Variants in ERN2 observed in about 807,000 individuals in gnomAD.
The protein encoded by ERN2 is endoplasmic reticulum to nucleus signaling 2.
In ERN2, 111 loss-of-function variants were observed where a neutral mutation model predicts 107.9. The ratio of observed to expected loss-of-function variants is 1.03; its 90% CI spans 0.88 to 1.20. The LOEUF (loss-of-function observed/expected upper bound fraction) is 1.20. Ranked by LOEUF, ERN2 falls within the 50% of genes most tolerant of loss-of-function variation. The pLI is 0.00. For synonymous variants in ERN2, 524 were observed against 501.7 expected, an observed-to-expected ratio of 1.04 and a Z score of -0.59; for missense variants, 1,225 against 1,197.9, an observed-to-expected ratio of 1.02 and a Z score of -0.33.
intron 19 of ERN2, 93 bp from the exon 20 acceptor site, chr16:23,691,518 G>A: frequency 7.0e-7 from 1 of 1,437,980 alleles, no homozygotes; most frequent in Non-Finnish European, 9.3e-7. Flanking sequence ...TAGGGTGACT[G>A]ACAAGGATCA....
At chr16:23,700,809 AG>A in intron 12 of ERN2, 105 bp from the exon 13 acceptor site, 1 of 1,484,638 alleles carries the variant, frequency 6.7e-7, no homozygotes, top group Non-Finnish European at 9.1e-7. Flanking sequence ...ATGAACTTAC[AG>A]AGCAAGATCG....
At chr16:23,712,500 T>C (rs1333169843) in intron 1 of ERN2, 1 of 154,516 alleles carries the variant, frequency 6.5e-6, no homozygotes. Flanking sequence ...TTTTGCCCCA[T>C]GGGGGTTCTA....
At position 23,706,758 on chromosome 16, in the gene ERN2, T is replaced by C; in HGVS notation, c.483A>G (p.Arg161=). ...GPSTPRLYIG[R]TQYTVTMHDP... ...AACAGCTGGGGCCCAACTCACGTGT[T>C]CGGCCAATGTAGAGGCGGGGGGTGG... Residue 161 remains arginine, a synonymous_variant, in exon 6 of 22, where the codon CGA becomes CGG. Transcript: ENST00000256797. 1 of 1,604,372 alleles carries C rather than the reference T, an allele frequency of 6.2e-7. No homozygotes were observed. The highest frequency in any genetic ancestry group is 1.3e-5 in the African/African-American group (1 of 74,606).
At chr16:23,696,937 G>A (rs72776157) in intron 13 of ERN2, 10,692 of 151,994 alleles carry the variant, frequency 0.07, 590 homozygotes, top group Non-Finnish European at 0.1. Flanking sequence ...TGTAATCCCA[G>A]CACTTTGGGA....
intron 4 of ERN2, among the ~76,000 whole-genome samples, chr16:23,707,827 C>T (rs1451278970): frequency 6.6e-6 from 1 of 152,208 alleles, no homozygotes; most frequent in East Asian, 1.9e-4. Context: ...CTGTCAACAG[C>T]CATGAGAGAC....
chr16:23,705,332 A>C (rs144177085), intron 7 of ERN2, among the ~76,000 whole-genome samples, 185 bp from the exon 8 acceptor site: 41 of 152,328 alleles, frequency 2.7e-4, no homozygotes, highest in African/African-American at 9.4e-4. Context: ...AGGGTCATTC[A>C]AAGGTGACTC....
chr16:23,702,236 C>T lies in ERN2; in HGVS notation c.1119G>A (p.Met373Ile), dbSNP rs1960105956. ...TCCCCAGGGTGGGATGGACCCTCAG[C>T]ATGGTGGTGTGCAGGACTGGGGGTA... ...HELPPVLHTT[M>I]LRVHPTLGSG... The change falls in exon 11 of 22, where the codon ATG becomes ATA. Residue 373 changes from methionine to isoleucine, a missense_variant. Coordinates refer to ENST00000256797, the MANE Select transcript of ERN2 (RefSeq NM_033266.4). The T allele has an allele frequency of 1.2e-6, 2 of 1,614,052 alleles. No individual in the cohort carries two copies. The highest frequency in any genetic ancestry group is 1.7e-6 in the Non-Finnish European group (2 of 1,180,040).
Position 23,705,040 on chromosome 16 carries a change from A to T in ERN2, c.697T>A (p.Tyr233Asn). ...QDLGVPVMGV[Y>N]TWHQDGLRQL... ...CGCAGGCCGTCCTGGTGCCAGGTGT[A>T]GACGCCCATCACAGGCACGCCCAGG... The change falls in exon 8 of 22, where the codon TAC (tyrosine) becomes AAC (asparagine). Residue 233 changes from tyrosine to asparagine, a missense_variant. Tyr to Asn is a moderately radical substitution (Grantham distance 143). Coordinates refer to ENST00000256797, the MANE Select transcript of ERN2 (RefSeq NM_033266.4). The T allele has an allele frequency of 6.2e-7, 1 of 1,613,958 alleles. No homozygotes were observed. The highest frequency in any genetic ancestry group is 8.5e-7 in the Non-Finnish European group (1 of 1,180,012).
At chr16:23,704,836 A>T in intron 8 of ERN2, 47 bp downstream of exon 8, 11 of 1,585,020 alleles carry the variant, frequency 6.9e-6, no homozygotes, top group Non-Finnish European at 9.4e-6. Context: ...CCAGGTTGCG[A>T]CACTCCCAGA....
chr16:23,692,881 G>C (rs567679878), intron 17 of ERN2, among the ~76,000 whole-genome samples: 1 of 152,042 alleles, frequency 6.6e-6, no homozygotes, highest in African/African-American at 2.4e-5. Context: ...CACCATGCCT[G>C]ACCAATTTTT....
chr16:23,700,482 A>G, intron 13 of ERN2, 57 bp downstream of exon 13: 1 of 1,530,782 alleles, frequency 6.5e-7, no homozygotes, highest in African/African-American at 1.4e-5. Flanking sequence ...TTGCAGCTAA[A>G]TCTGCCCCTG....
In ERN2 at chr16:23,711,006, T is replaced by G; in HGVS notation, c.106A>C (p.Arg36=). ...GTLSPQVHTL[R]PENLLLVSTL... ...GACACCAGCAGGAGGTTCTCTGGCC[T>G]GAGAGTATGAACCTGCAAGGGGGTA... is the stretch of plus-strand genomic sequence containing the variant. Residue 36 remains arginine (R), a synonymous_variant, in exon 2 of 22, where the codon AGG becomes CGG. Coordinates refer to ENST00000256797, the MANE Select transcript of ERN2 (RefSeq NM_033266.4). The G allele has an allele frequency of 2.5e-6, 4 of 1,613,392 alleles. No individual in the cohort carries two copies. The highest frequency in any genetic ancestry group is 2.2e-5 in the South Asian group (2 of 91,074).
At chr16:23,702,342 C>CA in intron 10 of ERN2, 48 bp downstream of exon 10, 1 of 1,611,094 alleles carries the variant, frequency 6.2e-7, no homozygotes, top group Admixed American at 1.7e-5. Flanking sequence ...GCTGGGCTCA[C>CA]AGGTTCTTTA....
chr16:23,700,984 C>T lies in ERN2; in HGVS notation c.1334G>A (p.Gly445Glu). Residue 445 changes from glycine to glutamate, a missense_variant, in exon 12 of 22, where the codon GGG (glycine) becomes GAG (glutamate). Gly to Glu is a moderately conservative substitution (Grantham distance 98, BLOSUM62 -2). Transcript: ENST00000256797. ...CTGCCTCATCACAAAGAGAATCCAC[C>T]CTCCCAGGAGGACAGCAGTGAGGCT... ...AASLTAVLLG[G>E]WILFVMRQQQ... The T allele has an allele frequency of 6.2e-7, 1 of 1,614,054 alleles. No homozygotes were observed. Among genetic ancestry groups the T allele is most frequent in the Non-Finnish European group, 8.5e-7 (1 of 1,179,962 alleles).
chr16:23,703,058 A>C (rs111398936), intron 8 of ERN2, among the ~76,000 whole-genome samples: 1 of 152,008 alleles, frequency 6.6e-6, no homozygotes, highest in Non-Finnish European at 1.5e-5. Context: ...CAACCAAGCC[A>C]TGAGCAGACT....
intron 13 of ERN2, among the ~76,000 whole-genome samples, chr16:23,700,068 C>A (rs1163524900): frequency 6.6e-6 from 1 of 152,162 alleles, no homozygotes; most frequent in African/African-American, 2.4e-5. Context: ...GTGACTCATG[C>A]CTGTAATCCC....
At chr16:23,691,937 G>C in intron 19 of ERN2, 26 bp downstream of exon 19, 1 of 1,605,296 alleles carries the variant, frequency 6.2e-7, no homozygotes, top group Non-Finnish European at 8.5e-7. Context: ...GACTTTTGGG[G>C]GCCATTCCCA....
Position 23,702,633 on chromosome 16 carries a change from C to T in ERN2, c.924G>A (p.Val308=), listed in dbSNP as rs758043104. 4.0e-5 allele frequency: 64 copies of T among 1,614,146 alleles called. No homozygotes were observed. The highest frequency in any genetic ancestry group is 5.2e-5 in the Non-Finnish European group (61 of 1,179,978). The change falls in exon 9 of 22, where the codon GTG becomes GTA. Residue 308 remains valine (V), a synonymous_variant. Coordinates refer to ENST00000256797, the MANE Select transcript of ERN2 (RefSeq NM_033266.4). ...AGAGACCACTTCTTACCACCAGGGCCACTCCTGTGTGGACCAGTGCTTTAG... is the reference window on the plus strand; with the variant it reads ...AGAGACCACTTCTTACCACCAGGGCTACTCCTGTGTGGACCAGTGCTTTAG... ...YVSKALVHTG[V]ALVPRGLTLA...
intron 13 of ERN2, among the ~76,000 whole-genome samples, chr16:23,699,389 C>T (rs1959957684): frequency 6.6e-6 from 1 of 152,072 alleles, no homozygotes; most frequent in Non-Finnish European, 1.5e-5. Flanking sequence ...AAACCATGAG[C>T]CAGCCCAGAG....
Sources: gnomAD v4.1 joint callset for allele counts (sites outside exome capture counted in the v4.1 genomes callset) on GRCh38, gnomAD v4.1.1 for gene constraint, MANE v1.5 for transcripts, NCBI Gene and HGNC (gene_info 2026-07-23, HGNC 2026-07-21) for gene names.